The following TBC1D2B variants were observed in gnomAD, a reference collection of about 807,000 sequenced individuals.
The protein encoded by TBC1D2B is TBC1 domain family member 2B.
TBC1D2B carries 64 observed loss-of-function variants against 100.8 expected under a neutral mutation model. The observed-to-expected ratio is 0.64, with a 90% CI of 0.52 to 0.78. TBC1D2B has a LOEUF of 0.78. Among genes scored for constraint, TBC1D2B ranks in the 30% least tolerant of loss-of-function variants. The pLI is 0.00. For synonymous variants in TBC1D2B, 480 were observed against 479.7 expected (o/e 1.00, Z -0.01); for missense variants, 1,052 against 1,218.4 (o/e 0.86, Z 2.03).
At chr15:78,018,553 T>C (rs1026428335) in intron 6 of TBC1D2B, among the ~76,000 whole-genome samples, 2 of 152,200 alleles carry the variant, frequency 1.3e-5, no homozygotes, top group Non-Finnish European at 2.9e-5. Context: ...GAACACAATA[T>C]AGCCTTCACC....
intron 2 of TBC1D2B, among the ~76,000 whole-genome samples, chr15:78,047,810 G>A (rs986732519): frequency 3.3e-5 from 5 of 152,168 alleles, no homozygotes; most frequent in African/African-American, 1.2e-4. Context: ...GTCTGGAGTG[G>A]GGGGCAGGGG....
Position 78,003,506 on chromosome 15 carries a change from A to C in TBC1D2B, c.2389-16T>G, listed in dbSNP as rs758054085. 1.9e-6 allele frequency: 3 copies of C among 1,597,066 alleles called. No individual in the cohort carries two copies. Among genetic ancestry groups the C allele is most frequent in the Non-Finnish European group, 2.6e-6 (3 of 1,165,840 alleles). On this transcript the variant is annotated splice_polypyrimidine_tract_variant and intron_variant, in intron 10 of 12. Coordinates refer to ENST00000300584, the MANE Select transcript of TBC1D2B (RefSeq NM_144572.2). ...GCTGGTCCACCTGGAGAGGGAACAAAGGGGAGAAGTGTATCAGGCCTGCCA... is the reference window on the plus strand; with the variant it reads ...GCTGGTCCACCTGGAGAGGGAACAACGGGGAGAAGTGTATCAGGCCTGCCA...
At position 78,016,612 on chromosome 15, in the gene TBC1D2B, T is replaced by G. The variant is rs1053816001; in HGVS notation, c.1709A>C (p.Glu570Ala). The change falls in exon 8 of 13, where the codon GAG becomes GCG. Residue 570 changes from glutamate to alanine, a missense_variant. This residue lies in a region of TBC1D2B where 373 missense variants were observed against 464.9 expected (regional missense o/e 0.80). Coordinates refer to ENST00000300584, the MANE Select transcript of TBC1D2B (RefSeq NM_144572.2). ...PTREVIAQLL[E>A]DALQVESQEQ... ...TTGGCTCTCAACCTGCAGAGCATCCTCCAGCAACTGGGCTATGACCTCCCG... is the reference window on the plus strand; with the variant it reads ...TTGGCTCTCAACCTGCAGAGCATCCGCCAGCAACTGGGCTATGACCTCCCG... 6.2e-7 allele frequency: 1 copy of G among 1,613,016 alleles called. No individual in the cohort carries two copies. The highest frequency in any genetic ancestry group is 8.5e-7 in the Non-Finnish European group (1 of 1,179,508).
intron 1 of TBC1D2B, among the ~76,000 whole-genome samples, chr15:78,076,598 T>A (rs1476690757): frequency 5.4e-5 from 8 of 147,422 alleles, no homozygotes; most frequent in East Asian, 2.0e-4. Flanking sequence ...AAAAAAAAAA[T>A]TTAATTAGCC....
chr15:78,042,645 T>C (rs1246009606), intron 3 of TBC1D2B, among the ~76,000 whole-genome samples: 1 of 152,126 alleles, frequency 6.6e-6, no homozygotes, highest in African/African-American at 2.4e-5. Flanking sequence ...CCCTGGGTGC[T>C]GGGAGATGAC....
chr15:78,021,947 TC>T (rs1396770240), intron 6 of TBC1D2B, among the ~76,000 whole-genome samples: 1 of 152,090 alleles, frequency 6.6e-6, no homozygotes, highest in African/African-American at 2.4e-5. Context: ...CCTGGCTCGC[TC>T]CCCGGGAAAA....
rs1039446117 is a variant in TBC1D2B at position 78,044,847 on chromosome 15, A to G, written c.683+53T>C. 2.4e-5 allele frequency: 34 copies of G among 1,443,054 alleles called. No homozygotes were observed. The South Asian group carries it at 4.3e-4, about 18-fold the overall frequency. The allele number at this position is 1,443,054 out of a possible 1,614,324, so 89.4% of individuals were successfully genotyped here. A position where few individuals can be genotyped will look rare whatever the true frequency, so the allele number is the denominator to read the frequency against. ...CTTCATTTATAAAATTATAACATAC[A>G]TTATCAGAAACAACCCATTTTCAAT... is the stretch of plus-strand genomic sequence containing the variant. On this transcript the variant is annotated intron_variant, in intron 3 of 12. Coordinates refer to ENST00000300584, the MANE Select transcript of TBC1D2B (RefSeq NM_144572.2).
At chr15:78,035,365 G>T (rs916301534) in intron 3 of TBC1D2B, among the ~76,000 whole-genome samples, 4 of 152,234 alleles carry the variant, frequency 2.6e-5, no homozygotes, top group Admixed American at 1.3e-4. Flanking sequence ...TGACAGAATT[G>T]TTGGGAAATG....
chr15:78,009,844 G>A (rs544952268), intron 9 of TBC1D2B, among the ~76,000 whole-genome samples: 10 of 152,068 alleles, frequency 6.6e-5, no homozygotes, highest in Admixed American at 3.3e-4. Context: ...GCGCGGTGGC[G>A]GGCGCCTGTA....
chr15:78,010,850 GT>G (rs1050861064), intron 9 of TBC1D2B, among the ~76,000 whole-genome samples: 4 of 152,202 alleles, frequency 2.6e-5, no homozygotes, highest in African/African-American at 9.6e-5. Context: ...CAATTCAGAG[GT>G]TTTAACGGTG....
At chr15:78,015,104 G>A (rs2141664626) in intron 8 of TBC1D2B, among the ~76,000 whole-genome samples, 1 of 152,314 alleles carries the variant, frequency 6.6e-6, no homozygotes, top group East Asian at 1.9e-4. Flanking sequence ...AGGAGGCTGA[G>A]GCAGGAGAAT....
At chr15:78,033,939 T>C (rs947714023) in intron 3 of TBC1D2B, among the ~76,000 whole-genome samples, 4 of 152,252 alleles carry the variant, frequency 2.6e-5, no homozygotes, top group Non-Finnish European at 5.9e-5. Flanking sequence ...TCACAGTATA[T>C]GGATGTATGG....
At chr15:78,009,178 A>G in intron 9 of TBC1D2B, 64 bp from the exon 10 acceptor site, 1 of 1,196,470 alleles carries the variant, frequency 8.4e-7, no homozygotes, top group Non-Finnish European at 1.2e-6. Flanking sequence ...CAGTCTCCAC[A>G]GAGACCATCT....
chr15:78,071,141 T>A (rs1452721348), intron 1 of TBC1D2B, among the ~76,000 whole-genome samples: 2 of 152,102 alleles, frequency 1.3e-5, no homozygotes, highest in Non-Finnish European at 2.9e-5. Flanking sequence ...TAGTTTTTTT[T>A]AATTTTTGTA....
At chr15:78,031,554 C>CACAAAAA (rs2072811788) in intron 3 of TBC1D2B, among the ~76,000 whole-genome samples, 1 of 54,910 alleles carries the variant, frequency 1.8e-5, no homozygotes, top group Admixed American at 3.0e-4. Context: ...ACTCTGTCTC[C>CACAAAAA]AAAAAAAAAA....
Position 77,999,591 on chromosome 15 carries a change from C to CG in TBC1D2B, c.2697-1237dup, listed in dbSNP as rs1454278480. Among the ~76,000 whole-genome samples, 5 of 152,304 alleles carry CG rather than the reference C, an allele frequency of 3.3e-5. No individual in the cohort carries two copies. In the East Asian group the frequency reaches 7.7e-4, roughly 24 times the overall value. Reference sequence around the variant, plus strand: ...AGACCAGGCTGCCAGCCCCAGCAGGCGGGAGGAGGCTCCGTGTGAATGGGG... The same window carrying CG: ...AGACCAGGCTGCCAGCCCCAGCAGGCGGGGAGGAGGCTCCGTGTGAATGGGG... On this transcript the variant is annotated intron_variant, in intron 12 of 12. Coordinates refer to ENST00000300584, the MANE Select transcript of TBC1D2B (RefSeq NM_144572.2).
intron 3 of TBC1D2B, among the ~76,000 whole-genome samples, chr15:78,043,890 G>A (rs56031268): frequency 0.1 from 15,437 of 151,858 alleles, 990 homozygotes; most frequent in Non-Finnish European, 0.14. Context: ...AATATTAGCC[G>A]GGCATGGTGG....
intron 5 of TBC1D2B, 39 bp downstream of exon 5, chr15:78,025,220 C>G (rs1463817798): frequency 6.3e-7 from 1 of 1,575,702 alleles, no homozygotes; most frequent in African/African-American, 1.4e-5. Context: ...CCTTGGCCTG[C>G]TGAGGTGGGG....
At chr15:78,052,215 C>T (rs1673254595) in intron 2 of TBC1D2B, among the ~76,000 whole-genome samples, 1 of 152,194 alleles carries the variant, frequency 6.6e-6, no homozygotes. Flanking sequence ...CTCCTCTCTA[C>T]CTAGCTAGTT....
Sources: allele counts gnomAD v4.1 joint callset (sites outside exome capture counted in the v4.1 genomes callset), GRCh38; gene constraint gnomAD v4.1.1; regional missense constraint gnomAD v4.1.1; transcripts MANE v1.5; gene names NCBI Gene and HGNC (gene_info 2026-07-23, HGNC 2026-07-21).